The following CCDC158 variants were observed in gnomAD, a reference collection of about 807,000 sequenced individuals.
CCDC158 encodes coiled-coil domain-containing protein 158.
Under a neutral mutation model 138.6 loss-of-function variants are expected in CCDC158, and 116 were observed. The ratio of observed to expected loss-of-function variants is 0.84; its 90% CI spans 0.72 to 0.98. The LOEUF is 0.98. Ranked by LOEUF, CCDC158 falls within the 50% of genes least tolerant of loss-of-function variation. The pLI, the probability that CCDC158 is intolerant of heterozygous loss-of-function variation, is 0.00. For synonymous variants in CCDC158, 436 were observed against 442.4 expected, an observed-to-expected ratio of 0.99 and a Z score of 0.18; for missense variants, 1,265 against 1,306.1, an observed-to-expected ratio of 0.97 and a Z score of 0.48.
intron 8 of CCDC158, among the ~76,000 whole-genome samples, chr4:76,380,464 C>T (rs899168188): frequency 7.9e-5 from 12 of 152,164 alleles, no homozygotes; most frequent in African/African-American, 2.9e-4. Flanking sequence ...TTGATCTAGA[C>T]AGAGATGATT....
chr4:76,379,439 A>T (rs1726021842), intron 8 of CCDC158, 35 bp from the exon 9 acceptor site: 1 of 1,316,890 alleles, frequency 7.6e-7, no homozygotes, highest in Admixed American at 2.1e-5. Flanking sequence ...AAGTGCAAAT[A>T]GCAAACTAAG....
intron 9 of CCDC158, chr4:76,375,504 C>A: frequency 1.4e-6 from 1 of 696,484 alleles, no homozygotes; most frequent in South Asian, 1.5e-5. Flanking sequence ...ATAGCTCCAG[C>A]CAGTGCTACT....
intron 2 of CCDC158, among the ~76,000 whole-genome samples, chr4:76,409,784 T>C (rs1030242902): frequency 1.3e-5 from 2 of 151,788 alleles, no homozygotes; most frequent in African/African-American, 2.4e-5. Context: ...TGAGCGGAGA[T>C]CACGCCACTG....
chr4:76,325,923 C>A lies in CCDC158; in HGVS notation c.3103G>T (p.Gly1035Cys). Residue 1035 changes from glycine (G) to cysteine (C), a missense_variant, in exon 23 of 25, where the codon GGT (glycine) becomes TGT (cysteine). By Grantham distance (159) the Gly-to-Cys change is radical. Transcript: ENST00000682701. ...VHSLLTSSVE[G>C]SIGSTSQYRS... ...TACTGTGATGTGGAACCTATTGAAC[C>A]TTCAACTGAACTAGTTAGGAGTGAG... 6.2e-7 allele frequency: 1 copy of A among 1,613,576 alleles called. No homozygotes were observed. The highest frequency in any genetic ancestry group is 8.5e-7 in the Non-Finnish European group (1 of 1,179,598).
intron 12 of CCDC158, among the ~76,000 whole-genome samples, chr4:76,364,343 G>C (rs1410392214): frequency 6.6e-6 from 1 of 152,148 alleles, no homozygotes; most frequent in African/African-American, 2.4e-5. Context: ...GGCTTCCTAG[G>C]AGGACCCCTC....
intron 17 of CCDC158, 136 bp downstream of exon 17, chr4:76,351,584 T>A: frequency 1.6e-6 from 1 of 624,930 alleles, no homozygotes; most frequent in South Asian, 2.0e-5. Flanking sequence ...AATGTACACA[T>A]CTTATCATTG....
chr4:76,333,902 C>T lies in CCDC158; in HGVS notation c.2822+108G>A, dbSNP rs1437704163. The T allele has an allele frequency of 4.0e-6, 3 of 744,234 alleles. 1 individual carries two copies. Among genetic ancestry groups the T allele is most frequent in the Non-Finnish European group, 6.1e-6 (3 of 494,408 alleles). 46.1% of individuals were successfully genotyped at this position (744,234 alleles called of 1,614,324 possible). On this transcript the variant is annotated intron_variant, in intron 19 of 24. Coordinates refer to ENST00000682701, the MANE Select transcript of CCDC158 (RefSeq NM_001394954.1). ...TTTTCTGTGGTAGTAACTTCAGATA[C>T]TTTTAAAGTCATTTAAACCTCACCC...
chr4:76,344,731 C>T (rs112982541), intron 18 of CCDC158: 15 of 1,613,932 alleles, frequency 9.3e-6, no homozygotes, highest in African/African-American at 6.7e-5. Context: ...CTACATGACA[C>T]TCTTATTGAA....
chr4:76,378,350 T>C (rs1725909866), intron 9 of CCDC158, among the ~76,000 whole-genome samples: 1 of 152,244 alleles, frequency 6.6e-6, no homozygotes, highest in South Asian at 2.1e-4. Flanking sequence ...AGCTTCCTTA[T>C]ACTCTATTTC....
intron 9 of CCDC158, chr4:76,375,407 T>C: frequency 2.1e-6 from 1 of 480,734 alleles, no homozygotes; most frequent in Non-Finnish European, 3.7e-6. Context: ...GACACAGCTA[T>C]GGAATAATAA....
intron 2 of CCDC158, among the ~76,000 whole-genome samples, chr4:76,403,505 C>A (rs951769686): frequency 6.6e-6 from 1 of 152,056 alleles, no homozygotes; most frequent in Non-Finnish European, 1.5e-5. Flanking sequence ...TTAAAGACAA[C>A]CTGAAAATAA....
intron 3 of CCDC158, among the ~76,000 whole-genome samples, chr4:76,396,992 C>T (rs9991516): frequency 0.029 from 4,489 of 152,190 alleles, 221 homozygotes; most frequent in African/African-American, 0.1. Flanking sequence ...GATGAGACTG[C>T]TGGGGGCCTT....
At chr4:76,348,508 C>A (rs2110161307) in intron 18 of CCDC158, among the ~76,000 whole-genome samples, 1 of 151,454 alleles carries the variant, frequency 6.6e-6, no homozygotes, top group African/African-American at 2.4e-5. Flanking sequence ...CCAATCACCT[C>A]CCATTGGTTC....
chr4:76,404,476 T>A lies in CCDC158; in HGVS notation c.-73-1196A>T, dbSNP rs141483562. Reference sequence around the variant, plus strand: ...AATTTAGGGTATGAAAAATCACCCCTGAATTAGAAATGTAAAGCCAAAGAA... The same window carrying A: ...AATTTAGGGTATGAAAAATCACCCCAGAATTAGAAATGTAAAGCCAAAGAA... On this transcript the variant is annotated intron_variant, in intron 2 of 24. Transcript: ENST00000682701. Among the ~76,000 whole-genome samples the A allele has an allele frequency of 1.6e-3, 239 of 152,090 alleles. 2 individuals carry two copies. Among genetic ancestry groups the A allele is most frequent in the African/African-American group, 5.4e-3 (226 of 41,504 alleles).
chr4:76,336,727 C>T (rs1721545211), intron 18 of CCDC158, among the ~76,000 whole-genome samples: 1 of 152,086 alleles, frequency 6.6e-6, no homozygotes. Context: ...ACTCATACAC[C>T]CCCTCCTTAC....
chr4:76,353,992 T>A (rs957994772), intron 15 of CCDC158, among the ~76,000 whole-genome samples: 2 of 152,064 alleles, frequency 1.3e-5, no homozygotes, highest in Non-Finnish European at 2.9e-5. Flanking sequence ...AGGTAGAAGG[T>A]GTTGCTACTG....
In CCDC158 at chr4:76,338,087, C is replaced by T. The variant is rs191397509; in HGVS notation, c.2665-3920G>A. 6.5e-3 allele frequency among the ~76,000 whole-genome samples: 993 copies of T among 152,292 alleles called. 9 individuals are homozygous for T. Among genetic ancestry groups the T allele is most frequent in the Non-Finnish European group, 0.012 (815 of 68,016 alleles). On this transcript the variant is annotated intron_variant, in intron 18 of 24. Transcript: ENST00000682701. The stretch of plus-strand genomic sequence containing the variant: ...GTGGCATTAGATTCTCATAGGAGTG[C>T]GAACCCTCTTGTGAACTGCACATGC...
At position 76,383,643 on chromosome 4, in the gene CCDC158, A is replaced by G. The variant is rs771927905; in HGVS notation, c.803+19T>C. 1.3e-6 allele frequency: 2 copies of G among 1,586,496 alleles called. No homozygotes were observed. The highest frequency in any genetic ancestry group is 1.7e-6 in the Non-Finnish European group (2 of 1,155,304). Reference sequence around the variant, plus strand: ...GTTTAGTTTCGCTAGGCTTTTCCATACCTCAGTCAGAAACCTACCTATCTT... The same window carrying G: ...GTTTAGTTTCGCTAGGCTTTTCCATGCCTCAGTCAGAAACCTACCTATCTT... On this transcript the variant is annotated intron_variant, in intron 7 of 24. Transcript: ENST00000682701.
intron 1 of CCDC158, among the ~76,000 whole-genome samples, chr4:76,414,649 C>T (rs547000224): frequency 2.6e-5 from 4 of 152,266 alleles, no homozygotes; most frequent in South Asian, 2.1e-4. Context: ...TCATGGAGGC[C>T]GGTCTTTCCC....
Sources: gnomAD v4.1 joint callset for allele counts (sites outside exome capture counted in the v4.1 genomes callset) on GRCh38, gnomAD v4.1.1 for gene constraint, MANE v1.5 for transcripts, NCBI Gene and HGNC (gene_info 2026-07-23, HGNC 2026-07-21) for gene names.